PCDH9: variants seen among roughly 807,000 people sequenced by gnomAD.
The protein encoded by PCDH9 is protocadherin-9.
A neutral mutation model predicts 70.6 loss-of-function variants in PCDH9; 24 were observed. The ratio of observed to expected loss-of-function variants is 0.34; its 90% CI spans 0.25 to 0.48. The LOEUF is 0.48. PCDH9 is among the 20% of genes least tolerant of loss of function. The probability of loss-of-function intolerance (pLI) is 0.99; values close to 1 mark genes in which losing one functional copy is unlikely to be tolerated. For missense variants in PCDH9, 1,281 were observed against 1,503.6 expected (o/e 0.85, Z 2.45); for synonymous variants, 562 against 558.5 (o/e 1.01, Z -0.09).
chr13:66,737,776 C>A (rs193139212), intron 3 of PCDH9, among the ~76,000 whole-genome samples: 1 of 152,110 alleles, frequency 6.6e-6, no homozygotes, highest in South Asian at 2.1e-4. Context: ...CCGAATATTG[C>A]GCTTTTCAGA....
intron 4 of PCDH9, among the ~76,000 whole-genome samples, chr13:66,533,472 TG>T (rs1960559320): frequency 6.6e-6 from 1 of 152,104 alleles, no homozygotes. Context: ...AAATTACTTT[TG>T]TATTTAACTA....
At chr13:66,760,281 A>G (rs758083505) in intron 3 of PCDH9, among the ~76,000 whole-genome samples, 1 of 151,800 alleles carries the variant, frequency 6.6e-6, no homozygotes, top group Non-Finnish European at 1.5e-5. Context: ...AGGACCCTAT[A>G]TTTGTCTTTT....
At chr13:66,446,580 G>A (rs563412921) in intron 4 of PCDH9, among the ~76,000 whole-genome samples, 2 of 152,160 alleles carry the variant, frequency 1.3e-5, no homozygotes, top group East Asian at 1.9e-4. Flanking sequence ...AGTTCTCTGT[G>A]CTGTGGATTA....
At chr13:66,694,509 A>G (rs1250457646) in intron 3 of PCDH9, among the ~76,000 whole-genome samples, 2 of 152,194 alleles carry the variant, frequency 1.3e-5, no homozygotes, top group African/African-American at 4.8e-5. Context: ...ACGTACTAGT[A>G]GGTTAAAAAA....
chr13:66,616,034 G>A (rs1195040708), intron 4 of PCDH9, among the ~76,000 whole-genome samples: 2 of 152,194 alleles, frequency 1.3e-5, no homozygotes, highest in African/African-American at 4.8e-5. Flanking sequence ...ATTTGAGCTT[G>A]ACTTACAGAG....
At chr13:66,354,498 A>C (rs1420438680) in intron 4 of PCDH9, among the ~76,000 whole-genome samples, 1 of 152,120 alleles carries the variant, frequency 6.6e-6, no homozygotes, top group Admixed American at 6.6e-5. Flanking sequence ...CTCTGTTGCA[A>C]AGCTTTTCCT....
chr13:66,748,578 A>G (rs1382360517), intron 3 of PCDH9, among the ~76,000 whole-genome samples: 1 of 152,182 alleles, frequency 6.6e-6, no homozygotes, highest in Non-Finnish European at 1.5e-5. Context: ...ACTTGATCAC[A>G]TGAAGATGTA....
At chr13:67,165,568 A>T (rs2088089737) in intron 2 of PCDH9, among the ~76,000 whole-genome samples, 1 of 152,122 alleles carries the variant, frequency 6.6e-6, no homozygotes, top group African/African-American at 2.4e-5. Context: ...ACTGAGATTG[A>T]ATCCATAACA....
chr13:66,574,404 A>G (rs2076782727), intron 4 of PCDH9, among the ~76,000 whole-genome samples: 1 of 152,154 alleles, frequency 6.6e-6, no homozygotes, highest in Admixed American at 6.5e-5. Context: ...ATACATAAAT[A>G]AAGTAGAAGT....
chr13:66,462,529 T>C (rs1053275530), intron 4 of PCDH9, among the ~76,000 whole-genome samples: 1 of 151,948 alleles, frequency 6.6e-6, no homozygotes, highest in African/African-American at 2.4e-5. Flanking sequence ...CAAAATTATC[T>C]GCCCGTTAGA....
chr13:66,369,438 A>T (rs780455761), intron 4 of PCDH9, among the ~76,000 whole-genome samples: 16 of 152,090 alleles, frequency 1.1e-4, no homozygotes, highest in Non-Finnish European at 2.2e-4. Flanking sequence ...GGTGAGAAGG[A>T]AATGTAAGAT....
At chr13:66,617,354 G>A (rs2077368720) in intron 4 of PCDH9, among the ~76,000 whole-genome samples, 1 of 152,142 alleles carries the variant, frequency 6.6e-6, no homozygotes, top group Non-Finnish European at 1.5e-5. Context: ...TTCTAGATGG[G>A]TAGCCATCAT....
chr13:66,465,134 T>C lies in PCDH9; in HGVS notation c.3341-160106A>G, dbSNP rs577256531. Among the ~76,000 whole-genome samples, 7 of 151,978 alleles carry C rather than the reference T, an allele frequency of 4.6e-5. No homozygotes were observed. The South Asian group carries it at 1.5e-3, about 32-fold the overall frequency. ...GGGAAATGTGACTTGGGTGATTTAA[T>C]AGCAAGAAGGAACACTGATTTACAA... On this transcript the variant is annotated intron_variant, in intron 4 of 4. Transcript: ENST00000377865.
Position 66,883,109 on chromosome 13 carries a change from G to A in PCDH9, c.3138+20395C>T, listed in dbSNP as rs1355961288. Among the ~76,000 whole-genome samples, 8 of 152,036 alleles carry A rather than the reference G, an allele frequency of 5.3e-5. 1 individual carries two copies. In the East Asian group the frequency reaches 1.4e-3, roughly 26 times the overall value. Reference sequence around the variant, plus strand: ...CCAGGGTTCTTCACCACCCCTTGAAGCCCTGGACAAACTTTGATTTATGTT... The same window carrying A: ...CCAGGGTTCTTCACCACCCCTTGAAACCCTGGACAAACTTTGATTTATGTT... On this transcript the variant is annotated intron_variant, in intron 3 of 4. Transcript: ENST00000377865.
intron 2 of PCDH9, among the ~76,000 whole-genome samples, chr13:67,078,545 CTCTT>C (rs1214831064): frequency 1.3e-5 from 2 of 152,194 alleles, no homozygotes; most frequent in African/African-American, 4.8e-5. Flanking sequence ...TACCCTCCTT[CTCTT>C]TCTATCTTTC....
intron 4 of PCDH9, among the ~76,000 whole-genome samples, chr13:66,411,259 TG>T (rs1566305131): frequency 2.0e-5 from 3 of 152,202 alleles, no homozygotes; most frequent in Admixed American, 1.3e-4. Context: ...TTTTTAACTT[TG>T]CCTTAAATGT....
At chr13:66,870,306 T>C (rs1046431258) in intron 3 of PCDH9, among the ~76,000 whole-genome samples, 6 of 152,170 alleles carry the variant, frequency 3.9e-5, no homozygotes, top group Admixed American at 2.6e-4. Context: ...ACCAGTACCA[T>C]GCTGTTTTGG....
chr13:66,517,867 A>G (rs1959811472), intron 4 of PCDH9, among the ~76,000 whole-genome samples: 1 of 152,194 alleles, frequency 6.6e-6, no homozygotes, highest in East Asian at 1.9e-4. Flanking sequence ...TAGAAAAATA[A>G]TGAATGCTTG....
intron 4 of PCDH9, among the ~76,000 whole-genome samples, chr13:66,333,781 T>TA (rs1186336931): frequency 1.3e-5 from 2 of 152,146 alleles, no homozygotes; most frequent in African/African-American, 4.8e-5. Flanking sequence ...TTCAATTCTG[T>TA]AAAAAATGTA....
Sources: gnomAD v4.1 joint callset for allele counts (sites outside exome capture counted in the v4.1 genomes callset) on GRCh38, gnomAD v4.1.1 for gene constraint, MANE v1.5 for transcripts, NCBI Gene and HGNC (gene_info 2026-07-23, HGNC 2026-07-21) for gene names.